The following GPC3 variants were observed in gnomAD, a reference collection of about 807,000 sequenced individuals.
The protein encoded by GPC3 is glypican 3.
A neutral mutation model predicts 34.4 loss-of-function variants in GPC3; 3 were observed. The ratio of observed to expected loss-of-function variants is 0.09; its 90% CI spans 0.04 to 0.23. The LOEUF (loss-of-function observed/expected upper bound fraction) is 0.23, where lower values mean the gene tolerates loss of function less well. GPC3 is among the 10% of genes least tolerant of loss of function. The pLI is 1.00. For synonymous variants in GPC3, 177 were observed against 174.0 expected, an observed-to-expected ratio of 1.02 and a Z score of -0.13; for missense variants, 351 against 445.6, an observed-to-expected ratio of 0.79 and a Z score of 1.91.
Position 133,720,003 on chromosome X carries a change from G to GC in GPC3, c.1033-19976_1033-19975insG, listed in dbSNP as rs2071347811. Among the ~76,000 whole-genome samples, 6 of 111,951 alleles carry GC rather than the reference G, an allele frequency of 5.4e-5. No homozygotes were observed. In the South Asian group the frequency reaches 2.3e-3, roughly 42 times the overall value. On this transcript the variant is annotated intron_variant, in intron 3 of 7. Transcript: ENST00000370818. The stretch of plus-strand genomic sequence containing the variant: ...GAGAAATGCAAATTCAAACCACGAT[G>GC]AGATACCACCTTACTCCTGCAAGAA...
At chrX:133,623,797 C>T (rs2070262556) in intron 6 of GPC3, among the ~76,000 whole-genome samples, 1 of 111,800 alleles carries the variant, frequency 8.9e-6, no homozygotes, top group African/African-American at 3.3e-5. Context: ...CTCAGCTCTG[C>T]ACCAAGCGGA....
intron 6 of GPC3, among the ~76,000 whole-genome samples, chrX:133,599,387 A>C (rs1419833645): frequency 1.8e-5 from 2 of 112,224 alleles, no homozygotes; most frequent in East Asian, 5.6e-4. Context: ...CTACTAGTAC[A>C]TTTTGGTGCT....
chrX:133,653,785 T>A (rs776071032), intron 6 of GPC3, among the ~76,000 whole-genome samples: 65 of 112,649 alleles, frequency 5.8e-4, no homozygotes, highest in African/African-American at 2.0e-3. Flanking sequence ...ATGAACTTCA[T>A]AACTATGGGC....
chrX:133,947,153 C>G (rs1032700469), intron 2 of GPC3, among the ~76,000 whole-genome samples: 3 of 111,222 alleles, frequency 2.7e-5, no homozygotes, highest in Non-Finnish European at 5.7e-5. Context: ...AGTAAGCACT[C>G]TAGGCAAAAG....
intron 2 of GPC3, among the ~76,000 whole-genome samples, chrX:133,856,408 T>A (rs999086419): frequency 5.3e-4 from 58 of 108,695 alleles, no homozygotes; most frequent in Non-Finnish European, 7.9e-4. Flanking sequence ...GACCAAAATT[T>A]AAAAAAAAAT....
At chrX:133,859,354 T>C (rs2075924392) in intron 2 of GPC3, among the ~76,000 whole-genome samples, 1 of 111,184 alleles carries the variant, frequency 9.0e-6, no homozygotes, top group Non-Finnish European at 1.9e-5. Context: ...TATTAGGACC[T>C]GAGGGAAGGA....
chrX:133,725,740 G>GC (rs2071400879), intron 3 of GPC3, among the ~76,000 whole-genome samples: 1 of 111,794 alleles, frequency 8.9e-6, no homozygotes, highest in African/African-American at 3.3e-5. Flanking sequence ...CAAGGAATCG[G>GC]CCCCCAGCCT....
intron 2 of GPC3, among the ~76,000 whole-genome samples, chrX:133,895,221 A>G (rs1186289005): frequency 8.9e-6 from 1 of 111,854 alleles, no homozygotes. Flanking sequence ...GGAGTAGCCT[A>G]TTCTCTCTTT....
chrX:133,842,283 A>T (rs1256541336), intron 2 of GPC3, among the ~76,000 whole-genome samples: 1 of 108,237 alleles, frequency 9.2e-6, no homozygotes, highest in Non-Finnish European at 1.9e-5. Flanking sequence ...GTGCCATTGC[A>T]CTCCAGCCTG....
intron 2 of GPC3, among the ~76,000 whole-genome samples, chrX:133,766,650 C>A (rs1405161767): frequency 8.9e-6 from 1 of 112,096 alleles, no homozygotes; most frequent in Non-Finnish European, 1.9e-5. Flanking sequence ...TGTGTTTGAA[C>A]AGTCGCTAAG....
chrX:133,728,160 C>A (rs958145089), intron 3 of GPC3, among the ~76,000 whole-genome samples: 15 of 111,780 alleles, frequency 1.3e-4, no homozygotes, highest in African/African-American at 4.9e-4. Flanking sequence ...CTTCAGTTCT[C>A]CCCACATGCA....
At chrX:133,817,202 C>T (rs761328022) in intron 2 of GPC3, among the ~76,000 whole-genome samples, 4 of 111,304 alleles carry the variant, frequency 3.6e-5, no homozygotes, top group Non-Finnish European at 5.7e-5. Flanking sequence ...GGATTTATCC[C>T]TCCTCTCTTC....
At position 133,825,015 on chromosome X, in the gene GPC3, C is replaced by T. The variant is rs752228850; in HGVS notation, c.338-70839G>A. On this transcript the variant is annotated intron_variant, in intron 2 of 7. Coordinates refer to ENST00000370818, the MANE Select transcript of GPC3 (RefSeq NM_004484.4). ...GGACTTCAGGCGTGTGCCACCATGCCAAGCTACTTTTTTATATTTTTAGTA... is the reference window on the plus strand; with the variant it reads ...GGACTTCAGGCGTGTGCCACCATGCTAAGCTACTTTTTTATATTTTTAGTA... 4.0e-3 allele frequency among the ~76,000 whole-genome samples: 443 copies of T among 111,414 alleles called. 1 individual carries two copies. The highest frequency in any genetic ancestry group is 0.013 in the African/African-American group (412 of 30,650).
At position 133,692,395 on chromosome X, in the gene GPC3, G is replaced by A. The variant is rs372843769; in HGVS notation, c.1266C>T (p.Cys422=). ...HSPVAENDTL[C]WNGQELVERY... ...TCTCCACGAGTTCTTGTCCATTCCA[G>A]CAAAGGGTGTCGTTTTCCGCCACAG... The change falls in exon 5 of 8, where the codon TGC becomes TGT. Residue 422 remains cysteine (C), a synonymous_variant. Coordinates refer to ENST00000370818, the MANE Select transcript of GPC3 (RefSeq NM_004484.4). 1.4e-5 allele frequency: 17 copies of A among 1,209,977 alleles called. No homozygotes were observed. The highest frequency in any genetic ancestry group is 1.9e-5 in the Non-Finnish European group (17 of 894,364).
intron 2 of GPC3, among the ~76,000 whole-genome samples, chrX:133,945,987 T>C: frequency 8.9e-6 from 1 of 111,798 alleles, no homozygotes; most frequent in Middle Eastern, 4.6e-3. Context: ...AGGTTTTTTC[T>C]TACATTTTTC....
chrX:133,766,387 G>C (rs1263701745), intron 2 of GPC3, among the ~76,000 whole-genome samples: 1 of 111,753 alleles, frequency 8.9e-6, no homozygotes, highest in Admixed American at 9.5e-5. Flanking sequence ...GCCAGCTATA[G>C]CCAGCTGTGA....
At chrX:133,960,377 T>C (rs1215768141) in intron 1 of GPC3, among the ~76,000 whole-genome samples, 2 of 111,232 alleles carry the variant, frequency 1.8e-5, no homozygotes, top group African/African-American at 3.3e-5. Context: ...GGAAATGGAC[T>C]AAATAATCCC....
At chrX:133,569,424 G>A in intron 7 of GPC3, among the ~76,000 whole-genome samples, 1 of 111,428 alleles carries the variant, frequency 9.0e-6, no homozygotes, top group African/African-American at 3.3e-5. Context: ...GTGTGTGACT[G>A]ATTTGGAAAC....
chrX:133,903,150 C>CAAA (rs61507100), intron 2 of GPC3, among the ~76,000 whole-genome samples: 4,912 of 88,277 alleles, frequency 0.056, 343 homozygotes, highest in African/African-American at 0.19. Context: ...GACTCTGTCT[C>CAAA]AAAAAAAAAA....
Sources: allele counts gnomAD v4.1 joint callset (sites outside exome capture counted in the v4.1 genomes callset), GRCh38; gene constraint gnomAD v4.1.1; transcripts MANE v1.5; gene names NCBI Gene and HGNC (gene_info 2026-07-23, HGNC 2026-07-21).